The following TMEM38B variants were observed in gnomAD, a reference collection of about 807,000 sequenced individuals.
TMEM38B encodes the protein trimeric intracellular cation channel type B.
In TMEM38B, 24 loss-of-function variants were observed where a neutral mutation model predicts 28.7. That is an observed-to-expected ratio of 0.84 (90% confidence interval 0.61 to 1.18). The LOEUF is 1.18. TMEM38B is among the 50% of genes most tolerant of loss of function. TMEM38B has a pLI of 0.00. For missense variants in TMEM38B, 380 were observed against 350.9 expected (o/e 1.08, Z -0.66); for synonymous variants, 131 against 127.7 (o/e 1.03, Z -0.17).
intron 2 of TMEM38B, among the ~76,000 whole-genome samples, chr9:105,717,351 C>T (rs931672215): frequency 8.5e-5 from 13 of 152,076 alleles, no homozygotes; most frequent in African/African-American, 3.1e-4. Flanking sequence ...AATCACTTTC[C>T]TAAAATAAAT....
chr9:105,759,408 A>G (rs1837955192), intron 5 of TMEM38B: 1 of 1,536,880 alleles, frequency 6.5e-7, no homozygotes, highest in Non-Finnish European at 8.8e-7. Flanking sequence ...CTGAGAGACT[A>G]CGGATAAGCA....
chr9:105,710,754 G>A (rs952908725), intron 2 of TMEM38B: 2 of 575,042 alleles, frequency 3.5e-6, no homozygotes, highest in African/African-American at 3.7e-5. Context: ...ACAGAGACAT[G>A]TTGGGGAGAC....
At chr9:105,725,201 C>CT (rs1216179005) in intron 4 of TMEM38B, among the ~76,000 whole-genome samples, 4 of 151,854 alleles carry the variant, frequency 2.6e-5, no homozygotes, top group Admixed American at 6.6e-5. Flanking sequence ...TTCTATTTTA[C>CT]TTTTTTTACA....
intron 4 of TMEM38B, among the ~76,000 whole-genome samples, chr9:105,725,024 A>G (rs753741963): frequency 1.3e-5 from 2 of 151,586 alleles, no homozygotes; most frequent in Non-Finnish European, 2.9e-5. Flanking sequence ...TGCTCACTCT[A>G]CTCCATGCTT....
intron 4 of TMEM38B, among the ~76,000 whole-genome samples, chr9:105,732,832 TG>T (rs1836809195): frequency 6.6e-6 from 1 of 152,176 alleles, no homozygotes; most frequent in South Asian, 2.1e-4. Context: ...ACAGTTTTTT[TG>T]AATTCTGTGG....
At chr9:105,740,055 G>C (rs1837138160) in intron 4 of TMEM38B, among the ~76,000 whole-genome samples, 1 of 150,804 alleles carries the variant, frequency 6.6e-6, no homozygotes, top group Admixed American at 6.6e-5. Context: ...GCTAGTTTCT[G>C]TATTTTTAGT....
Position 105,694,560 on chromosome 9 carries a change from A to T in TMEM38B, c.-101A>T. The T allele has an allele frequency of 1.2e-6, 1 of 800,100 alleles. No individual in the cohort carries two copies. The highest frequency in any genetic ancestry group is 1.9e-6 in the Non-Finnish European group (1 of 522,892). The allele number at this position is 800,100 out of a possible 1,614,324, so 49.6% of individuals were successfully genotyped here. A position where few individuals can be genotyped will look rare whatever the true frequency, so the allele number is the denominator to read the frequency against. ...ACGCGCGGAGCTGGAGCCGGCGCGG[A>T]GGAGCGGGCGGCCGCGGCTGTGCCC... On this transcript the variant is annotated 5_prime_UTR_variant, in exon 1 of 6. Transcript: ENST00000374692.
At chr9:105,763,396 A>G (rs189495309) in intron 5 of TMEM38B, among the ~76,000 whole-genome samples, 28 of 152,266 alleles carry the variant, frequency 1.8e-4, no homozygotes, top group Admixed American at 7.2e-4. Flanking sequence ...TTTTAGGTCT[A>G]ACGTTTAGCA....
At chr9:105,752,778 A>G (rs1356259009) in intron 5 of TMEM38B, among the ~76,000 whole-genome samples, 3 of 152,210 alleles carry the variant, frequency 2.0e-5, no homozygotes, top group Non-Finnish European at 2.9e-5. Context: ...AATGATTGCA[A>G]CATCTCTGCA....
At chr9:105,702,300 A>C (rs977958451) in intron 1 of TMEM38B, among the ~76,000 whole-genome samples, 1 of 152,186 alleles carries the variant, frequency 6.6e-6, no homozygotes, top group Non-Finnish European at 1.5e-5. Flanking sequence ...AAAAATATGT[A>C]ATATGTAGAG....
chr9:105,732,944 T>C (rs1324045792), intron 4 of TMEM38B, among the ~76,000 whole-genome samples: 2 of 152,172 alleles, frequency 1.3e-5, no homozygotes, highest in Non-Finnish European at 2.9e-5. Context: ...TCCATGAGCA[T>C]GGAATGTTCA....
chr9:105,714,209 C>G (rs1020333800), intron 2 of TMEM38B, among the ~76,000 whole-genome samples: 1 of 152,216 alleles, frequency 6.6e-6, no homozygotes, highest in African/African-American at 2.4e-5. Flanking sequence ...ACCCACCTTC[C>G]TCTCAGCTGA....
intron 4 of TMEM38B, among the ~76,000 whole-genome samples, chr9:105,747,082 TG>T (rs1837431372): frequency 6.6e-6 from 1 of 152,220 alleles, no homozygotes; most frequent in Non-Finnish European, 1.5e-5. Context: ...AGGATGATGC[TG>T]GCCTCATAAA....
chr9:105,754,283 G>C (rs1214853913), intron 5 of TMEM38B, among the ~76,000 whole-genome samples: 1 of 152,118 alleles, frequency 6.6e-6, no homozygotes, highest in African/African-American at 2.4e-5. Context: ...GGATCAAGCA[G>C]AGCTGATAGA....
At chr9:105,700,155 T>G (rs1207793826) in intron 1 of TMEM38B, among the ~76,000 whole-genome samples, 2 of 152,218 alleles carry the variant, frequency 1.3e-5, no homozygotes, top group Non-Finnish European at 2.9e-5. Flanking sequence ...AAGTCATACA[T>G]AATTAATTTT....
intron 4 of TMEM38B, among the ~76,000 whole-genome samples, chr9:105,742,739 C>T (rs962027739): frequency 2.6e-5 from 4 of 152,012 alleles, no homozygotes; most frequent in East Asian, 3.9e-4. Context: ...CAAGGTGATG[C>T]GCATAATGAG....
At chr9:105,746,773 A>G (rs1047970827) in intron 4 of TMEM38B, among the ~76,000 whole-genome samples, 11 of 152,216 alleles carry the variant, frequency 7.2e-5, no homozygotes, top group Non-Finnish European at 1.5e-4. Flanking sequence ...ATTTATTGAA[A>G]GTTATTAGCA....
At chr9:105,745,701 TA>T (rs1285407845) in intron 4 of TMEM38B, among the ~76,000 whole-genome samples, 2 of 152,226 alleles carry the variant, frequency 1.3e-5, no homozygotes, top group Non-Finnish European at 2.9e-5. Context: ...GATTTTCTTC[TA>T]GGATTTTTAT....
Position 105,773,885 on chromosome 9 carries a change from G to T in TMEM38B, c.681G>T (p.Gln227His). The change falls in exon 6 of 6, where the codon CAG (glutamine) becomes CAT (histidine). Residue 227 changes from glutamine to histidine, a missense_variant. Physicochemically the swap from Gln to His is conservative, Grantham distance 24. Coordinates refer to ENST00000374692, the MANE Select transcript of TMEM38B (RefSeq NM_018112.3). ...CCCAGATAACCATGATGACTACACA[G>T]ACTTCTACTATGACATTTGCTCCTT... ...VATKITMMTT[Q>H]TSTMTFAPFE... is the part of the protein sequence containing the mutation. The T allele has an allele frequency of 2.5e-6, 4 of 1,613,460 alleles. No homozygotes were observed. The highest frequency in any genetic ancestry group is 3.4e-6 in the Non-Finnish European group (4 of 1,179,632).
Sources: gnomAD v4.1 joint callset for allele counts (sites outside exome capture counted in the v4.1 genomes callset) on GRCh38, gnomAD v4.1.1 for gene constraint, MANE v1.5 for transcripts, NCBI Gene and HGNC (gene_info 2026-07-23, HGNC 2026-07-21) for gene names.